The following AP3S1 variants were observed in gnomAD, a reference collection of about 807,000 sequenced individuals.
AP3S1 encodes the protein AP-3 complex subunit sigma-1.
Under a neutral mutation model 21.3 loss-of-function variants are expected in AP3S1, and 12 were observed. The ratio of observed to expected loss-of-function variants is 0.56; its 90% CI spans 0.36 to 0.91. AP3S1 has a LOEUF of 0.91. Among genes scored for constraint, AP3S1 ranks in the 40% least tolerant of loss-of-function variants. AP3S1 has a pLI of 0.01. For synonymous variants in AP3S1, 48 were observed against 78.4 expected (o/e 0.61, Z 2.05); for missense variants, 116 against 225.0 (o/e 0.52, Z 3.10).
At chr5:115,875,599 T>C (rs188936190) in intron 3 of AP3S1, among the ~76,000 whole-genome samples, 1 of 152,322 alleles carries the variant, frequency 6.6e-6, no homozygotes, top group Admixed American at 6.5e-5. Flanking sequence ...AACCAACTCT[T>C]GGTCCCAGAG....
chr5:115,897,834 T>C (rs1270297815), intron 4 of AP3S1, among the ~76,000 whole-genome samples: 2 of 152,044 alleles, frequency 1.3e-5, no homozygotes, highest in Non-Finnish European at 2.9e-5. Flanking sequence ...AGTGCTGGGA[T>C]TGCAGGTGTG....
At chr5:115,886,838 G>A (rs887952165) in intron 3 of AP3S1, among the ~76,000 whole-genome samples, 1 of 152,166 alleles carries the variant, frequency 6.6e-6, no homozygotes, top group African/African-American at 2.4e-5. Context: ...AAGGTAGATG[G>A]TCCTTTCTTC....
rs1305972428 is a variant in AP3S1, at chr5:115,895,084, T to C, written c.274-3T>C. The C allele has an allele frequency of 6.3e-7, 1 of 1,589,346 alleles. No individual in the cohort carries two copies. ...TCTTAAAACCTTTTTTCTTTTTCCA[T>C]AGGTATTTGTGGAAACATTAGACAA... On this transcript the variant is annotated splice_polypyrimidine_tract_variant and splice_region_variant and intron_variant, in intron 3 of 5. Transcript: ENST00000316788.
intron 4 of AP3S1, among the ~76,000 whole-genome samples, chr5:115,898,065 A>G (rs1750909457): frequency 6.6e-6 from 1 of 152,202 alleles, no homozygotes; most frequent in South Asian, 2.1e-4. Flanking sequence ...TTTCCCATTC[A>G]CGCAGTATGT....
At chr5:115,884,458 G>C (rs896841339) in intron 3 of AP3S1, among the ~76,000 whole-genome samples, 2 of 152,148 alleles carry the variant, frequency 1.3e-5, no homozygotes, top group Admixed American at 1.3e-4. Flanking sequence ...CCAGCTACTT[G>C]GGAGGCTGAG....
In AP3S1 at chr5:115,886,022, T is replaced by G. The variant is rs77828835; in HGVS notation, c.274-9065T>G. On this transcript the variant is annotated intron_variant, in intron 3 of 5. Transcript: ENST00000316788. ...TCACTTCTTACTACATTAGAAATAA[T>G]ATATTATTTGTTGTTGATGTGGGTT... Among the ~76,000 whole-genome samples, 1,357 of 152,314 alleles carry G rather than the reference T, an allele frequency of 8.9e-3. 22 individuals are homozygous for G. Among genetic ancestry groups the G allele is most frequent in the African/African-American group, 0.032 (1,313 of 41,560 alleles).
chr5:115,905,128 T>C (rs1317217352), intron 5 of AP3S1, among the ~76,000 whole-genome samples: 1 of 152,222 alleles, frequency 6.6e-6, no homozygotes, highest in East Asian at 1.9e-4. Context: ...AAAAAAAAGT[T>C]TGCAACCTCC....
intron 1 of AP3S1, among the ~76,000 whole-genome samples, chr5:115,862,383 T>C (rs898414671): frequency 1.3e-5 from 2 of 152,200 alleles, no homozygotes; most frequent in African/African-American, 4.8e-5. Flanking sequence ...TAGATACTAG[T>C]TTATTTTATC....
intron 1 of AP3S1, among the ~76,000 whole-genome samples, chr5:115,860,537 A>G (rs1335810163): frequency 6.6e-6 from 1 of 152,120 alleles, no homozygotes; most frequent in Admixed American, 6.5e-5. Flanking sequence ...TTCCATCCTT[A>G]TTTTACAGTA....
At chr5:115,898,152 A>G (rs1050390716) in intron 4 of AP3S1, among the ~76,000 whole-genome samples, 2 of 152,156 alleles carry the variant, frequency 1.3e-5, no homozygotes, top group African/African-American at 2.4e-5. Context: ...GTTAGTTTCT[A>G]TGTCAGAGAG....
chr5:115,913,631 G>A lies in AP3S1; in HGVS notation c.*141G>A. The A allele has an allele frequency of 2.3e-6, 3 of 1,315,808 alleles. No individual in the cohort carries two copies. Among genetic ancestry groups the A allele is most frequent in the South Asian group, 3.3e-5 (2 of 59,798 alleles). 81.5% of individuals were successfully genotyped at this position (1,315,808 alleles called of 1,614,324 possible). On this transcript the variant is annotated 3_prime_UTR_variant, in exon 6 of 6. Transcript: ENST00000316788. The stretch of plus-strand genomic sequence containing the variant: ...AGTCAAGGTACTGTATAGAAGTTGT[G>A]TAAAATCAGTATGAAAGTTCAATGT...
At chr5:115,906,582 T>G (rs528740675) in intron 5 of AP3S1, among the ~76,000 whole-genome samples, 2 of 151,854 alleles carry the variant, frequency 1.3e-5, no homozygotes, top group African/African-American at 4.8e-5. Context: ...AGCTGGGAGG[T>G]TGATGGGATT....
rs923512956 is a variant in AP3S1, at chr5:115,911,621, A to G, written c.454-1741A>G. Among the ~76,000 whole-genome samples, 69 of 152,076 alleles carry G rather than the reference A, an allele frequency of 4.5e-4. 2 individuals are homozygous for G. Among genetic ancestry groups the G allele is most frequent in the Middle Eastern group, 3.2e-3 (1 of 316 alleles). On this transcript the variant is annotated intron_variant, in intron 5 of 5. Coordinates refer to ENST00000316788, the MANE Select transcript of AP3S1 (RefSeq NM_001284.4). ...ACATACTTCCTGGTAAAAGAAAGCC[A>G]AAAGATGGTAAACCTCTTTGAATTG...
chr5:115,908,451 G>T (rs1345877932), intron 5 of AP3S1, among the ~76,000 whole-genome samples: 1 of 152,108 alleles, frequency 6.6e-6, no homozygotes, highest in African/African-American at 2.4e-5. Context: ...AGCTGGTTCT[G>T]CCTCTCTACC....
chr5:115,860,098 A>C (rs1157832805), intron 1 of AP3S1, among the ~76,000 whole-genome samples: 1 of 152,144 alleles, frequency 6.6e-6, no homozygotes, highest in African/African-American at 2.4e-5. Flanking sequence ...TGTCTTTTCT[A>C]GCTCCTAGAG....
intron 3 of AP3S1, among the ~76,000 whole-genome samples, chr5:115,871,674 C>T (rs992540995): frequency 6.6e-6 from 1 of 151,962 alleles, no homozygotes; most frequent in African/African-American, 2.4e-5. Context: ...TACATCTGAA[C>T]ATACCTAGAG....
Position 115,849,478 on chromosome 5 carries a change from G to A in AP3S1, c.69+7372G>A, listed in dbSNP as rs188594165. On this transcript the variant is annotated intron_variant, in intron 1 of 5. Coordinates refer to ENST00000316788, the MANE Select transcript of AP3S1 (RefSeq NM_001284.4). The stretch of plus-strand genomic sequence containing the variant: ...GCAAGAAGGCAAGCTGAGAAATCAC[G>A]GGGAAGAGAGGCAGGAGATAAAGCT... Among the ~76,000 whole-genome samples the A allele has an allele frequency of 3.1e-3, 468 of 152,268 alleles. 1 individual carries two copies. Among genetic ancestry groups the A allele is most frequent in the Non-Finnish European group, 3.9e-3 (268 of 68,018 alleles).
At chr5:115,872,205 G>A (rs994304261) in intron 3 of AP3S1, among the ~76,000 whole-genome samples, 4 of 152,096 alleles carry the variant, frequency 2.6e-5, no homozygotes, top group Non-Finnish European at 5.9e-5. Context: ...TGAGGCGGGA[G>A]CCAGGGAGGA....
At chr5:115,856,624 T>C (rs1348339891) in intron 1 of AP3S1, among the ~76,000 whole-genome samples, 1 of 144,532 alleles carries the variant, frequency 6.9e-6, no homozygotes, top group Non-Finnish European at 1.5e-5. Context: ...ACCACCATGC[T>C]CAACTAAGTT....
Sources: allele counts gnomAD v4.1 joint callset (sites outside exome capture counted in the v4.1 genomes callset), GRCh38; gene constraint gnomAD v4.1.1; transcripts MANE v1.5; gene names NCBI Gene and HGNC (gene_info 2026-07-23, HGNC 2026-07-21).